The following B3GALT1 variants were observed in gnomAD, a reference collection of about 807,000 sequenced individuals.
The protein encoded by B3GALT1 is beta-1,3-galactosyltransferase 1.
B3GALT1 carries 10 observed loss-of-function variants against 23.2 expected under a neutral mutation model. That is an observed-to-expected ratio of 0.43 (90% CI 0.27 to 0.73). B3GALT1 has a LOEUF of 0.73. Ranked by LOEUF, B3GALT1 falls within the 30% of genes least tolerant of loss-of-function variation. The pLI, the probability that B3GALT1 is intolerant of heterozygous loss-of-function variation, is 0.21. For synonymous variants in B3GALT1, 156 were observed against 141.5 expected, an observed-to-expected ratio of 1.10 and a Z score of -0.73; for missense variants, 299 against 405.4, an observed-to-expected ratio of 0.74 and a Z score of 2.25.
intron 1 of B3GALT1, among the ~76,000 whole-genome samples, chr2:167,429,271 ACT>A (rs1698670794): frequency 8.2e-6 from 1 of 122,418 alleles, no homozygotes; most frequent in South Asian, 2.9e-4. Flanking sequence ...ACAAAGCGAG[ACT>A]CTGTCTCAAA....
At position 167,435,989 on chromosome 2, in the gene B3GALT1, A is replaced by ACG. The variant is rs1553519040; in HGVS notation, c.-510-54187_-510-54186insGC. 7.2e-3 allele frequency among the ~76,000 whole-genome samples: 765 copies of ACG among 106,066 alleles called. 10 individuals carry two copies. The highest frequency in any genetic ancestry group is 0.043 in the African/African-American group (731 of 17,058). 69.6% of individuals were successfully genotyped at this position (106,066 alleles called of 152,430 possible). ...CACACACACACACACACACGCACACACACACACGCACTAGTCCAAGTTACT... is the reference window on the plus strand; with the variant it reads ...CACACACACACACACACACGCACACACGCACACACGCACTAGTCCAAGTTACT... On this transcript the variant is annotated intron_variant, in intron 1 of 4. Transcript: ENST00000392690.
chr2:167,657,755 GACATTTACCAA>G (rs1480613594), intron 3 of B3GALT1, among the ~76,000 whole-genome samples: 1 of 151,932 alleles, frequency 6.6e-6, no homozygotes, highest in Non-Finnish European at 1.5e-5. Context: ...ACATTGTCAG[GACATTTACCAA>G]TAAACATCAA....
chr2:167,400,196 G>GTGTGTGTGTC (rs1698166366), intron 1 of B3GALT1, among the ~76,000 whole-genome samples: 2 of 151,350 alleles, frequency 1.3e-5, no homozygotes. Flanking sequence ...GTGTGTGTCT[G>GTGTGTGTGTC]TGTGTGTGTA....
intron 1 of B3GALT1, among the ~76,000 whole-genome samples, chr2:167,385,501 G>A (rs1454147131): frequency 6.6e-6 from 1 of 151,320 alleles, no homozygotes; most frequent in Non-Finnish European, 1.5e-5. Context: ...GTAAATATTT[G>A]AATTTATTGT....
intron 3 of B3GALT1, among the ~76,000 whole-genome samples, chr2:167,696,991 G>C (rs948527443): frequency 2.0e-5 from 3 of 152,158 alleles, no homozygotes; most frequent in African/African-American, 7.2e-5. Context: ...TTTGCATGCT[G>C]TCTTGAACAC....
At chr2:167,353,961 C>T (rs1385807062) in intron 1 of B3GALT1, among the ~76,000 whole-genome samples, 1 of 151,956 alleles carries the variant, frequency 6.6e-6, no homozygotes, top group Non-Finnish European at 1.5e-5. Flanking sequence ...TCTTAAGGAG[C>T]TAAATTCATA....
intron 1 of B3GALT1, among the ~76,000 whole-genome samples, chr2:167,480,452 C>T (rs1699547400): frequency 6.6e-6 from 1 of 152,220 alleles, no homozygotes; most frequent in African/African-American, 2.4e-5. Flanking sequence ...GGAGGTTTCA[C>T]AGCTAGGGCT....
chr2:167,341,661 C>CA (rs201966357), intron 1 of B3GALT1, among the ~76,000 whole-genome samples: 2,143 of 151,150 alleles, frequency 0.014, 29 homozygotes, highest in Admixed American at 0.036. Context: ...CACTGCATCT[C>CA]AAAAACAAAA....
At chr2:167,672,546 A>G (rs895285565) in intron 3 of B3GALT1, among the ~76,000 whole-genome samples, 3 of 152,148 alleles carry the variant, frequency 2.0e-5, no homozygotes, top group Non-Finnish European at 4.4e-5. Context: ...ACAGTGATTA[A>G]GAGCCAGATA....
chr2:167,524,522 T>C (rs1437605872), intron 2 of B3GALT1, among the ~76,000 whole-genome samples: 2 of 152,194 alleles, frequency 1.3e-5, no homozygotes, highest in African/African-American at 4.8e-5. Context: ...GTCAACTCAA[T>C]TGATTATCTT....
At chr2:167,638,386 A>C (rs1431691576) in intron 2 of B3GALT1, among the ~76,000 whole-genome samples, 1 of 152,042 alleles carries the variant, frequency 6.6e-6, no homozygotes, top group Non-Finnish European at 1.5e-5. Flanking sequence ...AAGAAAACTG[A>C]TTTTTCAATG....
At chr2:167,812,631 A>G (rs1688912731) in intron 3 of B3GALT1, among the ~76,000 whole-genome samples, 1 of 152,220 alleles carries the variant, frequency 6.6e-6, no homozygotes, top group Non-Finnish European at 1.5e-5. Flanking sequence ...GACTTTGAGA[A>G]CAACTTGGGT....
intron 1 of B3GALT1, among the ~76,000 whole-genome samples, chr2:167,395,463 A>G (rs1445630247): frequency 1.3e-5 from 2 of 152,154 alleles, no homozygotes; most frequent in Non-Finnish European, 1.5e-5. Context: ...AAGGAATACA[A>G]TGGCTCCTAG....
intron 1 of B3GALT1, among the ~76,000 whole-genome samples, chr2:167,439,944 T>C (rs1005340209): frequency 5.9e-5 from 9 of 152,092 alleles, no homozygotes; most frequent in Non-Finnish European, 1.3e-4. Context: ...ATAACAATTA[T>C]TTGGAGTTAA....
At chr2:167,500,139 C>A (rs983240066) in intron 2 of B3GALT1, among the ~76,000 whole-genome samples, 5 of 152,080 alleles carry the variant, frequency 3.3e-5, no homozygotes, top group African/African-American at 1.2e-4. Context: ...GGAACAATTT[C>A]CTAGTCCCTG....
intron 2 of B3GALT1, among the ~76,000 whole-genome samples, chr2:167,581,328 A>G (rs530090853): frequency 9.0e-4 from 137 of 152,338 alleles, no homozygotes; most frequent in Middle Eastern, 6.8e-3. Context: ...CAAAATGTTA[A>G]AGTGTAATGT....
At chr2:167,729,925 C>G (rs529151672) in intron 3 of B3GALT1, among the ~76,000 whole-genome samples, 26 of 151,942 alleles carry the variant, frequency 1.7e-4, no homozygotes, top group Admixed American at 3.3e-4. Flanking sequence ...CCAATTAGAC[C>G]CATTTCTCCT....
intron 2 of B3GALT1, among the ~76,000 whole-genome samples, chr2:167,523,691 C>A (rs1300385925): frequency 1.3e-5 from 2 of 152,132 alleles, no homozygotes; most frequent in East Asian, 3.8e-4. Flanking sequence ...TCCTGAAGTG[C>A]TGGGATGACA....
In B3GALT1 at chr2:167,664,366, T is replaced by C. The variant is rs1169958084; in HGVS notation, c.-352+17400T>C. Among the ~76,000 whole-genome samples the C allele has an allele frequency of 4.6e-4, 70 of 151,528 alleles. 4 individuals are homozygous for C. The highest frequency in any genetic ancestry group is 1.6e-3 in the African/African-American group (64 of 40,906). ...ACCATGCTGTTTTGGTTACTGTAGC[T>C]TTGTAGTATAGTTTGAAGTCAGGTA... On this transcript the variant is annotated intron_variant, in intron 3 of 4. Coordinates refer to ENST00000392690, the MANE Select transcript of B3GALT1 (RefSeq NM_020981.4).
Sources: allele counts gnomAD v4.1 joint callset (sites outside exome capture counted in the v4.1 genomes callset), GRCh38; gene constraint gnomAD v4.1.1; transcripts MANE v1.5; gene names NCBI Gene and HGNC (gene_info 2026-07-23, HGNC 2026-07-21).